The following MLIP variants were observed in gnomAD, a reference collection of about 807,000 sequenced individuals.
MLIP encodes muscular LMNA interacting protein.
A neutral mutation model predicts 84.8 loss-of-function variants in MLIP; 79 were observed. The ratio of observed to expected loss-of-function variants is 0.93; its 90% confidence interval spans 0.78 to 1.12. The LOEUF (loss-of-function observed/expected upper bound fraction) is 1.12. MLIP is among the 50% of genes most tolerant of loss of function. The pLI is 0.00. For synonymous variants in MLIP, 504 were observed against 463.0 expected (o/e 1.09, Z -1.14); for missense variants, 1,257 against 1,160.6 (o/e 1.08, Z -1.21).
chr6:54,182,117 C>T (rs1442864516), intron 9 of MLIP, among the ~76,000 whole-genome samples: 1 of 152,178 alleles, frequency 6.6e-6, no homozygotes, highest in African/African-American at 2.4e-5. Context: ...CCTAGACTTT[C>T]CTCCGTTTGC....
chr6:54,112,177 A>G (rs979445863), intron 1 of MLIP, among the ~76,000 whole-genome samples: 1 of 152,236 alleles, frequency 6.6e-6, no homozygotes, highest in African/African-American at 2.4e-5. Context: ...GTTAACATGC[A>G]TCTGTTGCTG....
intron 1 of MLIP, among the ~76,000 whole-genome samples, chr6:54,062,639 T>C (rs1262788018): frequency 6.6e-6 from 1 of 152,198 alleles, no homozygotes; most frequent in East Asian, 1.9e-4. Flanking sequence ...GAACAGGGAA[T>C]ACTGAGGTGG....
rs533637489 is a variant in MLIP at position 54,137,529 on chromosome 6, C to G, written c.1460C>G (p.Thr487Ser). Reference sequence around the variant, plus strand: ...GGGGAACTCCAGGTTTCTGAATTGACCCAGCAATCTTTTCACCTGCCTGTT... The same window carrying G: ...GGGGAACTCCAGGTTTCTGAATTGAGCCAGCAATCTTTTCACCTGCCTGTT... Reference protein sequence around the residue: ...DQGELQVSELTQQSFHLPVFT... With the variant: ...DQGELQVSELSQQSFHLPVFT... The change falls in exon 4 of 14, where the codon ACC becomes AGC. Residue 487 changes from threonine to serine, a missense_variant. By Grantham distance (58) the Thr-to-Ser change is moderately conservative. Coordinates refer to ENST00000502396, the MANE Select transcript of MLIP (RefSeq NM_001281747.2). 6.5e-7 allele frequency: 1 copy of G among 1,536,108 alleles called. No individual in the cohort carries two copies. Among genetic ancestry groups the G allele is most frequent in the South Asian group, 1.2e-5 (1 of 84,066 alleles).
chr6:54,216,171 C>A, intron 11 of MLIP: 1 of 985,204 alleles, frequency 1.0e-6, no homozygotes, highest in South Asian at 4.7e-5. Context: ...TTAAATGTTT[C>A]TTGTTATCAT....
chr6:54,094,610 C>A (rs983836399), intron 1 of MLIP, among the ~76,000 whole-genome samples: 7 of 149,954 alleles, frequency 4.7e-5, no homozygotes, highest in African/African-American at 1.7e-4. Flanking sequence ...TTTTAATTTA[C>A]AAAGCTAAGA....
At chr6:54,076,752 A>G (rs1766827332) in intron 1 of MLIP, among the ~76,000 whole-genome samples, 1 of 152,196 alleles carries the variant, frequency 6.6e-6, no homozygotes, top group African/African-American at 2.4e-5. Context: ...CATCTCCTGT[A>G]TTCCCACAGT....
At chr6:54,129,840 G>C (rs1237903785) in intron 3 of MLIP, among the ~76,000 whole-genome samples, 1 of 152,148 alleles carries the variant, frequency 6.6e-6, no homozygotes, top group African/African-American at 2.4e-5. Flanking sequence ...GGTGAGAGGT[G>C]ACTAAGTAGT....
chr6:54,079,570 G>A (rs982843001), intron 1 of MLIP: 1 of 152,292 alleles, frequency 6.6e-6, no homozygotes, highest in African/African-American at 2.4e-5. Context: ...ACATTCTGCT[G>A]TTTATTGGTC....
intron 9 of MLIP, among the ~76,000 whole-genome samples, chr6:54,184,251 A>G (rs908213635): frequency 7.2e-5 from 11 of 152,214 alleles, no homozygotes; most frequent in African/African-American, 2.7e-4. Context: ...GAAGCATCTT[A>G]ACGGTATCAA....
intron 8 of MLIP, among the ~76,000 whole-genome samples, chr6:54,169,014 A>T (rs950785744): frequency 2.0e-5 from 3 of 151,704 alleles, no homozygotes; most frequent in South Asian, 4.1e-4. Context: ...AGTCCCAATG[A>T]TGTGGATGTT....
intron 1 of MLIP, among the ~76,000 whole-genome samples, chr6:54,055,401 C>G (rs998848648): frequency 1.3e-5 from 2 of 152,104 alleles, no homozygotes; most frequent in Non-Finnish European, 2.9e-5. Flanking sequence ...ATTTTACATG[C>G]TAGTAAATGT....
chr6:54,054,947 G>A lies in MLIP; in HGVS notation c.63+35856G>A, dbSNP rs529217655. 4.6e-5 allele frequency among the ~76,000 whole-genome samples: 7 copies of A among 151,974 alleles called. No homozygotes were observed. The East Asian group carries it at 1.4e-3, about 29-fold the overall frequency. On this transcript the variant is annotated intron_variant, in intron 1 of 12. Coordinates refer to the MLIP transcript ENST00000274897. ...CTGTCGCCCAGGCTGGAGTGCACTGGCTTGATCTCGGCTCACTACAAGCTC... is the reference window on the plus strand; with the variant it reads ...CTGTCGCCCAGGCTGGAGTGCACTGACTTGATCTCGGCTCACTACAAGCTC...
intron 9 of MLIP, among the ~76,000 whole-genome samples, chr6:54,181,371 G>T (rs559159819): frequency 6.7e-6 from 1 of 148,684 alleles, no homozygotes; most frequent in South Asian, 2.2e-4. Context: ...TTTAGTCAGC[G>T]TGTGGGAAAT....
chr6:54,072,873 G>A (rs1175999553), intron 1 of MLIP, among the ~76,000 whole-genome samples: 1 of 152,156 alleles, frequency 6.6e-6, no homozygotes, highest in East Asian at 1.9e-4. Context: ...GGAACAAATG[G>A]CCTACAGATG....
At chr6:54,215,234 A>G in intron 11 of MLIP, 1 of 1,524,598 alleles carries the variant, frequency 6.6e-7, no homozygotes. Flanking sequence ...GTGGCTAGTT[A>G]CTGTAGCCTT....
At chr6:54,216,081 C>T (rs528564764) in intron 11 of MLIP, 12 of 792,760 alleles carry the variant, frequency 1.5e-5, no homozygotes, top group African/African-American at 5.6e-5. Context: ...ACAGACACTT[C>T]GGTTGTTGCC....
In MLIP at chr6:54,207,949, C is replaced by T. The variant is rs145547257; in HGVS notation, c.2718+5716C>T. 5.6e-3 allele frequency among the ~76,000 whole-genome samples: 845 copies of T among 152,066 alleles called. 11 individuals carry two copies. The highest frequency in any genetic ancestry group is 0.018 in the African/African-American group (749 of 41,460). On this transcript the variant is annotated intron_variant, in intron 11 of 13. Transcript: ENST00000502396. Reference sequence around the variant, plus strand: ...GACCATCCTGGCTAACACGGTGAAACCCCGTCTCTACTAAAAAAATTACAA... The same window carrying T: ...GACCATCCTGGCTAACACGGTGAAATCCCGTCTCTACTAAAAAAATTACAA...
intron 1 of MLIP, chr6:54,063,267 C>T (rs1388619035): frequency 6.6e-6 from 1 of 151,632 alleles, no homozygotes; most frequent in Non-Finnish European, 1.5e-5. Flanking sequence ...TTCTACTTAC[C>T]CATATTTCTC....
intron 10 of MLIP, among the ~76,000 whole-genome samples, chr6:54,198,684 C>A (rs1322459112): frequency 1.3e-5 from 2 of 152,128 alleles, no homozygotes; most frequent in Admixed American, 1.3e-4. Context: ...GGTTGAATGG[C>A]TTTTCCAAGG....
Sources: gnomAD v4.1 joint callset for allele counts (sites outside exome capture counted in the v4.1 genomes callset) on GRCh38, gnomAD v4.1.1 for gene constraint, MANE v1.5 for transcripts, NCBI Gene and HGNC (gene_info 2026-07-23, HGNC 2026-07-21) for gene names.